Variants in PPL observed in about 807,000 individuals in gnomAD.
PPL encodes the protein 190 kDa paraneoplastic pemphigus antigen.
In PPL, 198 loss-of-function variants were observed where a neutral mutation model predicts 194.4. The observed-to-expected ratio is 1.02, with a 90% CI of 0.91 to 1.15. The LOEUF (loss-of-function observed/expected upper bound fraction) is 1.15, where lower values mean the gene tolerates loss of function less well. Among genes scored for constraint, PPL ranks in the 50% most tolerant of loss-of-function variants. PPL has a pLI of 0.00. For synonymous variants in PPL, 1,220 were observed against 972.4 expected, an observed-to-expected ratio of 1.25 and a Z score of -4.74; for missense variants, 2,885 against 2,294.8, an observed-to-expected ratio of 1.26 and a Z score of -5.25.
At chr16:4,910,717 A>G in intron 2 of PPL, 133 bp downstream of exon 2, 1 of 805,766 alleles carries the variant, frequency 1.2e-6, no homozygotes, top group Non-Finnish European at 2.1e-6. Flanking sequence ...AGTGACAACC[A>G]AAATGTCTCT....
rs375057288 is a variant in PPL, at chr16:4,884,867, T to C, written c.3788A>G (p.Glu1263Gly). 10 of 1,614,012 alleles carry C rather than the reference T, an allele frequency of 6.2e-6. No individual in the cohort carries two copies. The highest frequency in any genetic ancestry group is 1.3e-5 in the African/African-American group (1 of 74,908). The change falls in exon 22 of 22, where the codon GAA becomes GGA. Residue 1263 changes from glutamate to glycine, a missense_variant. Coordinates refer to ENST00000345988, the MANE Select transcript of PPL (RefSeq NM_002705.5). The surrounding 1 kb of genome is among the most constrained non-coding windows in gnomAD (Gnocchi z 5.7). ...CTGGTAGATCTCTAAATCACACCTT[T>C]CGATCAGTCTGGTCTTGTCCACGAT... ...EEIVDKTRLI[E>G]RCDLEIYQLK...
Position 4,911,029 on chromosome 16 carries a change from G to A in PPL, c.63-80C>T, listed in dbSNP as rs1596569311. The A allele has an allele frequency of 5.9e-6, 7 of 1,183,470 alleles. No individual in the cohort carries two copies. In the East Asian group the frequency reaches 1.5e-4, roughly 25 times the overall value. The allele number at this position is 1,183,470 out of a possible 1,614,324, so 73.3% of individuals were successfully genotyped here. ...GTCCCCACCAGCACCCCATCCTCTG[G>A]CTGGCCCCGGCCCCACGCTCTGAGC... is the stretch of plus-strand genomic sequence containing the variant. On this transcript the variant is annotated intron_variant, in intron 1 of 21. Transcript: ENST00000345988.
chr16:4,894,558 G>C lies in PPL; in HGVS notation c.1303C>G (p.Leu435Val), dbSNP rs759250376. ...AGCTTGTTCCCAGCGCTGTCCATGA[G>C]CTCCCAGCTCTCCCCGTTGTTCTTC... ...LQKNNGESWE[L>V]MDSAGNKLIA... Residue 435 changes from leucine (L) to valine (V), a missense_variant, in exon 12 of 22, where the codon CTC (leucine) becomes GTC (valine). By Grantham distance (32) the Leu-to-Val change is conservative. Coordinates refer to ENST00000345988, the MANE Select transcript of PPL (RefSeq NM_002705.5). 3.1e-6 allele frequency: 5 copies of C among 1,613,972 alleles called. No individual in the cohort carries two copies. Among genetic ancestry groups the C allele is most frequent in the South Asian group, 2.2e-5 (2 of 91,084 alleles).
chr16:4,934,407 A>C (rs2089266054), intron 1 of PPL, among the ~76,000 whole-genome samples: 1 of 151,956 alleles, frequency 6.6e-6, no homozygotes, highest in Non-Finnish European at 1.5e-5. Flanking sequence ...TGGGCTCGGA[A>C]AGGGCTGCTA....
intron 1 of PPL, among the ~76,000 whole-genome samples, chr16:4,933,483 C>T (rs1423808056): frequency 6.6e-6 from 1 of 152,148 alleles, no homozygotes; most frequent in Non-Finnish European, 1.5e-5. Context: ...AGAGCTGGGT[C>T]TTGGCCACTC....
In PPL at chr16:4,910,962, G is replaced by T; in HGVS notation, c.63-13C>A. 1 of 1,608,076 alleles carries T rather than the reference G, an allele frequency of 6.2e-7. No homozygotes were observed. Among genetic ancestry groups the T allele is most frequent in the Non-Finnish European group, 8.5e-7 (1 of 1,178,280 alleles). ...CTTGTTAGAGATGCTGCGGGCAGAA[G>T]CCGAGGGGAGATGGGCGGGGTGCCT... On this transcript the variant is annotated splice_polypyrimidine_tract_variant and intron_variant, in intron 1 of 21. Transcript: ENST00000345988.
intron 2 of PPL, among the ~76,000 whole-genome samples, chr16:4,910,163 A>G (rs1270835321): frequency 6.6e-6 from 1 of 152,148 alleles, no homozygotes; most frequent in Non-Finnish European, 1.5e-5. Context: ...TGTTATCCCC[A>G]TGTTACAGAA....
At chr16:4,886,338 A>C (rs1444873308) in intron 21 of PPL, among the ~76,000 whole-genome samples, 1 of 152,178 alleles carries the variant, frequency 6.6e-6, no homozygotes, top group South Asian at 2.1e-4. Context: ...TGCAGATGCT[A>C]TCTGTGCTCA....
chr16:4,901,642 T>G (rs763870906), intron 4 of PPL, among the ~76,000 whole-genome samples: 6 of 151,238 alleles, frequency 4.0e-5, no homozygotes, highest in African/African-American at 9.8e-5. Flanking sequence ...TGAGCCGTGA[T>G]CATGCCACTG....
chr16:4,911,730 G>C (rs1717361507), intron 1 of PPL, among the ~76,000 whole-genome samples: 1 of 151,710 alleles, frequency 6.6e-6, no homozygotes, highest in Non-Finnish European at 1.5e-5. Flanking sequence ...TAGAGAAGGG[G>C]TTTCACCATG....
chr16:4,904,372 C>A (rs573351179), intron 2 of PPL, among the ~76,000 whole-genome samples: 1 of 152,198 alleles, frequency 6.6e-6, no homozygotes. Context: ...CCCTGCCTGG[C>A]ACTCACAACC....
At chr16:4,889,241 G>GTTTGT (rs2088274337) in intron 18 of PPL, among the ~76,000 whole-genome samples, 180 bp from the exon 19 acceptor site, 1 of 66,636 alleles carries the variant, frequency 1.5e-5, no homozygotes, top group South Asian at 5.9e-4. Flanking sequence ...TGTTGTTGTT[G>GTTTGT]TTTTTTTTTT....
At position 4,883,519 on chromosome 16, in the gene PPL, GT is replaced by G. The variant is rs993549403; in HGVS notation, c.5135del (p.Asp1712AlafsTer19). ...TGGAGAACTTCTTGCCAGACTTCCTGTCGTGTATCACTGAGGACTCCCCATT... is the reference window on the plus strand; with the variant it reads ...TGGAGAACTTCTTGCCAGACTTCCTGCGTGTATCACTGAGGACTCCCCATT... ...GPNGESSVIH[D>X]RKSGKKFSIE... On this transcript the variant is annotated frameshift_variant, in exon 22 of 22. Coordinates refer to ENST00000345988, the MANE Select transcript of PPL (RefSeq NM_002705.5). LOFTEE classifies it high-confidence loss of function. The surrounding 1 kb of genome is among the most constrained non-coding windows in gnomAD (Gnocchi z 4.8). 3.1e-6 allele frequency: 5 copies of G among 1,614,084 alleles called. No homozygotes were observed. In the African/African-American group the frequency reaches 6.7e-5, roughly 22 times the overall value.
intron 9 of PPL, among the ~76,000 whole-genome samples, chr16:4,896,638 T>G (rs2088434926): frequency 6.9e-6 from 1 of 145,922 alleles, no homozygotes; most frequent in Admixed American, 6.8e-5. Context: ...AGTACGGGGT[T>G]GTTTTTTTTT....
At chr16:4,934,042 A>G (rs377059989) in intron 1 of PPL, among the ~76,000 whole-genome samples, 2 of 152,244 alleles carry the variant, frequency 1.3e-5, no homozygotes, top group Non-Finnish European at 2.9e-5. Flanking sequence ...ACAGGCTCAG[A>G]GAAGCCAAGC....
chr16:4,930,463 C>T (rs75021582), intron 1 of PPL, among the ~76,000 whole-genome samples: 8,081 of 152,262 alleles, frequency 0.053, 381 homozygotes, highest in African/African-American at 0.12. Context: ...GGGTGTGAAG[C>T]GCAGGGCAAT....
chr16:4,910,009 A>G (rs1205695338), intron 2 of PPL, among the ~76,000 whole-genome samples: 1 of 152,140 alleles, frequency 6.6e-6, no homozygotes, highest in Non-Finnish European at 1.5e-5. Flanking sequence ...TCTAAACCTC[A>G]GTTGCTCCAG....
rs2088605535 is a variant in PPL, at chr16:4,902,899, G to C, written c.318-373C>G. Among the ~76,000 whole-genome samples, 1 of 152,188 alleles carries C rather than the reference G, an allele frequency of 6.6e-6. No homozygotes were observed. The highest frequency in any genetic ancestry group is 2.4e-5 in the African/African-American group (1 of 41,450). ...AGACGGGGTTTCACCATGTTGGTCA[G>C]GCTGGTCTCGAACTCCTGACCTCAG... On this transcript the variant is annotated intron_variant, in intron 3 of 21. Coordinates refer to ENST00000345988, the MANE Select transcript of PPL (RefSeq NM_002705.5). The surrounding 1 kb of genome is among the most constrained non-coding windows in gnomAD (Gnocchi z 4.0).
chr16:4,891,650 G>C lies in PPL; in HGVS notation c.1968+161C>G, dbSNP rs2088321350. The C allele has an allele frequency of 3.5e-6, 3 of 848,000 alleles. 1 individual carries two copies. The highest frequency in any genetic ancestry group is 3.7e-5 in the South Asian group (2 of 53,604). The allele number at this position is 848,000 out of a possible 1,614,324, so 52.5% of individuals were successfully genotyped here. A position where few individuals can be genotyped will look rare whatever the true frequency, so the allele number is the denominator to read the frequency against. ...TCACACAGATCCCGTGAATAGCTTG[G>C]ATTTGTGCTGTGGGCCTCCATTTGC... On this transcript the variant is annotated intron_variant, in intron 16 of 21. Transcript: ENST00000345988.
Sources: gnomAD v4.1 joint callset for allele counts (sites outside exome capture counted in the v4.1 genomes callset) on GRCh38, gnomAD v4.1.1 for gene constraint, Gnocchi (gnomAD v3.1) non-coding constraint, MANE v1.5 for transcripts, NCBI Gene and HGNC (gene_info 2026-07-23, HGNC 2026-07-21) for gene names.